Variants in GALNT13 observed in about 807,000 individuals in gnomAD.
The protein encoded by GALNT13 is polypeptide N-acetylgalactosaminyltransferase 13.
In GALNT13, 28 loss-of-function variants were observed where a neutral mutation model predicts 64.2. The ratio of observed to expected loss-of-function variants is 0.44; its 90% CI spans 0.32 to 0.60. The LOEUF is 0.60. Ranked by LOEUF, GALNT13 falls within the 20% of genes least tolerant of loss-of-function variation. The probability of loss-of-function intolerance (pLI) is 0.05; values close to 1 mark genes in which losing one functional copy is unlikely to be tolerated. For missense variants in GALNT13, 577 were observed against 669.8 expected, an observed-to-expected ratio of 0.86 and a Z score of 1.53; for synonymous variants, 214 against 224.6, an observed-to-expected ratio of 0.95 and a Z score of 0.42.
intron 3 of GALNT13, among the ~76,000 whole-genome samples, chr2:154,104,799 T>TA (rs1702527130): frequency 6.6e-6 from 1 of 152,118 alleles, no homozygotes; most frequent in Admixed American, 6.5e-5. Flanking sequence ...TGCAGTAACA[T>TA]AAAGGCTGAG....
At chr2:153,465,998 C>T in the GALNT13 span, among the ~76,000 whole-genome samples, 6 of 152,042 alleles carry the variant, frequency 3.9e-5, no homozygotes, top group East Asian at 5.8e-4. Context: ...GCCACCTGCC[C>T]GGTGCCCGTT....
At chr2:154,029,260 T>C (rs1698186939) in intron 3 of GALNT13, among the ~76,000 whole-genome samples, 1 of 149,850 alleles carries the variant, frequency 6.7e-6, no homozygotes, top group Admixed American at 6.6e-5. Context: ...GCATAAGAAG[T>C]ACAGGAATCA....
the GALNT13 span, among the ~76,000 whole-genome samples, chr2:153,081,482 C>T: frequency 1.7e-4 from 26 of 152,182 alleles, no homozygotes; most frequent in South Asian, 1.2e-3. Flanking sequence ...TTTTTTCCTA[C>T]GCATTGACTA....
the GALNT13 span, among the ~76,000 whole-genome samples, chr2:153,675,609 G>T: frequency 2.6e-5 from 4 of 152,170 alleles, no homozygotes; most frequent in African/African-American, 9.6e-5. Flanking sequence ...GAGTTGATGG[G>T]TGCAGCAAAC....
intron 4 of GALNT13, among the ~76,000 whole-genome samples, chr2:154,229,384 A>G (rs1688797366): frequency 6.6e-6 from 1 of 151,752 alleles, no homozygotes; most frequent in African/African-American, 2.4e-5. Flanking sequence ...TAAAAATTCT[A>G]TGGGTGAAAA....
chr2:153,637,540 C>T, the GALNT13 span, among the ~76,000 whole-genome samples: 1 of 152,100 alleles, frequency 6.6e-6, no homozygotes, highest in Non-Finnish European at 1.5e-5. Context: ...TCTTATCAGG[C>T]TTGTTTTCAA....
the GALNT13 span, among the ~76,000 whole-genome samples, chr2:153,437,889 T>C: frequency 1.3e-5 from 2 of 152,244 alleles, no homozygotes; most frequent in Non-Finnish European, 2.9e-5. Flanking sequence ...CTAGTTATTT[T>C]GCTCATTAGT....
chr2:154,310,941 C>CATATATATTCATAGAATATTCTAATA (rs1693998109), intron 9 of GALNT13, among the ~76,000 whole-genome samples: 1 of 129,450 alleles, frequency 7.7e-6, no homozygotes, highest in African/African-American at 3.1e-5. Context: ...TATTATTATT[C>CATATATATTCATAGAATATTCTAATA]ATATATATTC....
chr2:153,588,707 G>A, the GALNT13 span, among the ~76,000 whole-genome samples: 59 of 152,326 alleles, frequency 3.9e-4, no homozygotes, highest in African/African-American at 1.3e-3. Context: ...TGTTGCTTGT[G>A]CATAGTTTTG....
the GALNT13 span, among the ~76,000 whole-genome samples, chr2:153,577,902 TTA>T: frequency 0.013 from 1,917 of 148,840 alleles, 36 homozygotes; most frequent in African/African-American, 0.043. Context: ...GTTTGTGTCT[TTA>T]TATATATATA....
chr2:153,854,720 A>G, the GALNT13 span, among the ~76,000 whole-genome samples: 1 of 152,164 alleles, frequency 6.6e-6, no homozygotes, highest in African/African-American at 2.4e-5. Context: ...AAGAGTCAAT[A>G]TTTTAAAGAT....
At chr2:154,135,587 A>G (rs1682903456) in intron 3 of GALNT13, among the ~76,000 whole-genome samples, 1 of 152,214 alleles carries the variant, frequency 6.6e-6, no homozygotes. Context: ...GTTAACTATC[A>G]TATTGATATG....
the GALNT13 span, among the ~76,000 whole-genome samples, chr2:153,613,754 T>C: frequency 6.6e-6 from 1 of 152,132 alleles, no homozygotes; most frequent in Admixed American, 6.6e-5. Context: ...GATAGTTTGC[T>C]GAGAATGCTG....
At chr2:153,792,917 C>T in the GALNT13 span, among the ~76,000 whole-genome samples, 1 of 151,718 alleles carries the variant, frequency 6.6e-6, no homozygotes, top group Non-Finnish European at 1.5e-5. Flanking sequence ...TAGGTCTCTC[C>T]ATTTATTTAA....
chr2:153,211,473 A>G, the GALNT13 span, among the ~76,000 whole-genome samples: 2,630 of 152,274 alleles, frequency 0.017, 76 homozygotes, highest in African/African-American at 0.06. Flanking sequence ...CTAAAATGCA[A>G]CATTTTTTTC....
chr2:153,154,829 C>G, the GALNT13 span, among the ~76,000 whole-genome samples: 3 of 152,126 alleles, frequency 2.0e-5, no homozygotes, highest in Non-Finnish European at 4.4e-5. Flanking sequence ...ATGCTTCCAG[C>G]TTTTGCCCAT....
intron 7 of GALNT13, among the ~76,000 whole-genome samples, chr2:154,257,028 A>G (rs565812625): frequency 1.3e-5 from 2 of 152,302 alleles, no homozygotes; most frequent in South Asian, 2.1e-4. Flanking sequence ...ATTAAACATT[A>G]TAAGGCAGAG....
chr2:153,711,448 C>T, the GALNT13 span, among the ~76,000 whole-genome samples: 2 of 152,124 alleles, frequency 1.3e-5, no homozygotes, highest in Admixed American at 1.3e-4. Flanking sequence ...CCCTTTACAT[C>T]TCTCATTGTA....
the GALNT13 span, chr2:153,478,240 T>C: frequency 6.2e-7 from 1 of 1,610,260 alleles, no homozygotes; most frequent in South Asian, 1.1e-5. Context: ...GGCGGGTCAG[T>C]AGGGCCCCAC....
Sources: allele counts gnomAD v4.1 joint callset (sites outside exome capture counted in the v4.1 genomes callset), GRCh38; gene constraint gnomAD v4.1.1; transcripts MANE v1.5; gene names NCBI Gene and HGNC (gene_info 2026-07-23, HGNC 2026-07-21).